The following RERE variants were observed in gnomAD, a reference collection of about 807,000 sequenced individuals.
RERE encodes the protein arginine-glutamic acid dipeptide repeats.
A neutral mutation model predicts 146.1 loss-of-function variants in RERE; 40 were observed. That is an observed-to-expected ratio of 0.27 (90% confidence interval 0.21 to 0.36). The LOEUF (loss-of-function observed/expected upper bound fraction) is 0.36. Among genes scored for constraint, RERE ranks in the 10% least tolerant of loss-of-function variants. RERE has a pLI of 1.00. For missense variants in RERE, 1,933 were observed against 2,138.7 expected (o/e 0.90, Z 1.90); for synonymous variants, 1,003 against 866.0 (o/e 1.16, Z -2.78).
chr1:8,633,894 A>C (rs1570541765), intron 2 of RERE, among the ~76,000 whole-genome samples: 1 of 152,262 alleles, frequency 6.6e-6, no homozygotes, highest in East Asian at 1.9e-4. Flanking sequence ...GTGCCACTGC[A>C]CTCCAGCCTG....
chr1:8,410,617 G>T (rs1345623183), intron 12 of RERE, among the ~76,000 whole-genome samples: 1 of 152,220 alleles, frequency 6.6e-6, no homozygotes, highest in Non-Finnish European at 1.5e-5. Flanking sequence ...TTCAGGTAGT[G>T]AGAAATACCT....
chr1:8,649,528 G>C (rs940917779), intron 2 of RERE, among the ~76,000 whole-genome samples: 1 of 151,938 alleles, frequency 6.6e-6, no homozygotes, highest in Non-Finnish European at 1.5e-5. Flanking sequence ...TCAGGAGTTC[G>C]AGACCAGCCT....
chr1:8,398,602 C>T (rs899916948), intron 12 of RERE, among the ~76,000 whole-genome samples: 1 of 152,126 alleles, frequency 6.6e-6, no homozygotes, highest in Non-Finnish European at 1.5e-5. Context: ...ATTTATCATG[C>T]GTATTTATGT....
chr1:8,537,804 CA>C (rs1007807327), intron 7 of RERE, among the ~76,000 whole-genome samples: 1 of 150,796 alleles, frequency 6.6e-6, no homozygotes, highest in Non-Finnish European at 1.5e-5. Flanking sequence ...CCATCAGGAA[CA>C]AAAAAAATCA....
chr1:8,394,510 A>G (rs1229762477), intron 12 of RERE, among the ~76,000 whole-genome samples: 1 of 152,222 alleles, frequency 6.6e-6, no homozygotes, highest in Non-Finnish European at 1.5e-5. Context: ...AGATGAAATA[A>G]TTTGTCCAAG....
chr1:8,440,539 C>T (rs1023709584), intron 11 of RERE, among the ~76,000 whole-genome samples: 1 of 148,536 alleles, frequency 6.7e-6, no homozygotes, highest in Non-Finnish European at 1.5e-5. Flanking sequence ...CGCAGTAAGC[C>T]GAGATCATGC....
intron 4 of RERE, among the ~76,000 whole-genome samples, chr1:8,596,541 CT>C (rs1257461457): frequency 6.6e-6 from 1 of 152,108 alleles, no homozygotes; most frequent in African/African-American, 2.4e-5. Context: ...GGGTCTTGCT[CT>C]GTTACCCAGG....
In RERE at chr1:8,788,449, C is replaced by A. The variant is rs544716517; in HGVS notation, c.-145+28711G>T. Among the ~76,000 whole-genome samples, 6 of 151,146 alleles carry A rather than the reference C, an allele frequency of 4.0e-5. No individual in the cohort carries two copies. The East Asian group carries it at 7.8e-4, about 20-fold the overall frequency. Reference sequence around the variant, plus strand: ...GCGCGATCTCGGCTCACTGCAACCACCTCCTCCCAAGTTCAAGCGATTCTC... The same window carrying A: ...GCGCGATCTCGGCTCACTGCAACCAACTCCTCCCAAGTTCAAGCGATTCTC... On this transcript the variant is annotated intron_variant, in intron 1 of 22. Transcript: ENST00000400908.
intron 12 of RERE, among the ~76,000 whole-genome samples, chr1:8,409,971 A>ATTTT (rs57424627): frequency 2.3e-4 from 22 of 95,378 alleles, no homozygotes; most frequent in South Asian, 4.3e-4. Context: ...CAATCAGGCA[A>ATTTT]TTTTTTTTTT....
At chr1:8,421,517 G>A (rs887783214) in intron 12 of RERE, among the ~76,000 whole-genome samples, 27 of 151,934 alleles carry the variant, frequency 1.8e-4, no homozygotes, top group Admixed American at 8.5e-4. Flanking sequence ...TATGAGATGC[G>A]TAATACTTAA....
chr1:8,755,635 G>T (rs897860963), intron 1 of RERE, among the ~76,000 whole-genome samples: 2 of 152,170 alleles, frequency 1.3e-5, no homozygotes, highest in Non-Finnish European at 2.9e-5. Flanking sequence ...CTGGGACAAA[G>T]AATACAAAAA....
rs114201876 is a variant in RERE, at chr1:8,537,958, C to A, written c.830+3256G>T. 8.5e-3 allele frequency among the ~76,000 whole-genome samples: 1,292 copies of A among 152,280 alleles called. 21 individuals carry two copies. Among genetic ancestry groups the A allele is most frequent in the African/African-American group, 0.029 (1,216 of 41,556 alleles). On this transcript the variant is annotated intron_variant, in intron 7 of 22. Coordinates refer to ENST00000400908, the MANE Select transcript of RERE (RefSeq NM_001042681.2). The stretch of plus-strand genomic sequence containing the variant: ...CAAAATTTCAGTGCTGTTCAATATG[C>A]TAACAAAGTATGGAAAATTACATAA...
chr1:8,505,382 G>C (rs1645236395), intron 8 of RERE, among the ~76,000 whole-genome samples: 1 of 152,156 alleles, frequency 6.6e-6, no homozygotes, highest in Non-Finnish European at 1.5e-5. Context: ...TATTTGTGAG[G>C]CGTTTAAAAT....
intron 1 of RERE, among the ~76,000 whole-genome samples, chr1:8,742,646 C>G (rs1326887328): frequency 6.6e-6 from 1 of 152,090 alleles, no homozygotes; most frequent in Non-Finnish European, 1.5e-5. Flanking sequence ...CATGGCAAAA[C>G]CCTGTCTCTA....
intron 1 of RERE, among the ~76,000 whole-genome samples, chr1:8,767,519 T>C (rs1640870226): frequency 6.6e-6 from 1 of 150,672 alleles, no homozygotes; most frequent in African/African-American, 2.4e-5. Context: ...GGCAGGAGGA[T>C]CACTTGAACC....
At chr1:8,763,803 G>C (rs1640798836) in intron 1 of RERE, among the ~76,000 whole-genome samples, 1 of 151,858 alleles carries the variant, frequency 6.6e-6, no homozygotes, top group South Asian at 2.1e-4. Context: ...GCCGGGTGTG[G>C]TGGCATGCGC....
At chr1:8,794,078 ATTTTT>A (rs879924042) in intron 1 of RERE, among the ~76,000 whole-genome samples, 1 of 144,442 alleles carries the variant, frequency 6.9e-6, no homozygotes, top group African/African-American at 2.6e-5. Context: ...AAAAAAAAAA[ATTTTT>A]TTTTTTTGAG....
chr1:8,599,901 C>T (rs1646600975), intron 4 of RERE, among the ~76,000 whole-genome samples: 2 of 152,298 alleles, frequency 1.3e-5, no homozygotes, highest in South Asian at 4.1e-4. Flanking sequence ...AGAGAAACTC[C>T]TGGTCTCACA....
At chr1:8,532,592 A>G (rs972710884) in intron 7 of RERE, among the ~76,000 whole-genome samples, 4 of 150,906 alleles carry the variant, frequency 2.7e-5, no homozygotes, top group Admixed American at 6.6e-5. Context: ...AGCTAATATT[A>G]TTATTTTTAA....
Sources: allele counts gnomAD v4.1 joint callset (sites outside exome capture counted in the v4.1 genomes callset), GRCh38; gene constraint gnomAD v4.1.1; transcripts MANE v1.5; gene names NCBI Gene and HGNC (gene_info 2026-07-23, HGNC 2026-07-21).